The following SUZ12 variants were observed in gnomAD, a reference collection of about 807,000 sequenced individuals.
SUZ12 encodes SUZ12 polycomb repressive complex 2 subunit, also known as polycomb protein SUZ12.
Under a neutral mutation model 87.3 loss-of-function variants are expected in SUZ12, and 17 were observed. The ratio of observed to expected loss-of-function variants is 0.19; its 90% CI spans 0.13 to 0.29. The LOEUF is 0.29. Among genes scored for constraint, SUZ12 ranks in the 10% least tolerant of loss-of-function variants. SUZ12 has a pLI of 1.00. For synonymous variants in SUZ12, 253 were observed against 312.4 expected, an observed-to-expected ratio of 0.81 and a Z score of 2.01; for missense variants, 526 against 912.2, an observed-to-expected ratio of 0.58 and a Z score of 5.45.
At chr17:31,978,660 A>C (rs541282552) in intron 8 of SUZ12, among the ~76,000 whole-genome samples, 94 of 152,328 alleles carry the variant, frequency 6.2e-4, no homozygotes, top group African/African-American at 2.2e-3. Context: ...TAATTGTTCT[A>C]TTTTAGGCAG....
At chr17:31,978,750 T>C (rs1200958875) in intron 8 of SUZ12, among the ~76,000 whole-genome samples, 1 of 152,182 alleles carries the variant, frequency 6.6e-6, no homozygotes, top group Non-Finnish European at 1.5e-5. Flanking sequence ...AAAAAGATAA[T>C]GCTTTTATTT....
intron 8 of SUZ12, among the ~76,000 whole-genome samples, chr17:31,982,586 G>T (rs1423886383): frequency 1.3e-5 from 2 of 152,168 alleles, no homozygotes; most frequent in Admixed American, 1.3e-4. Flanking sequence ...TTGAACCTGG[G>T]CAGCAGAGAT....
intron 10 of SUZ12, among the ~76,000 whole-genome samples, chr17:31,990,148 G>GTTTTTTT (rs1567836883): frequency 1.6e-5 from 2 of 127,078 alleles, no homozygotes; most frequent in African/African-American, 6.2e-5. Context: ...TTTTTTTTTG[G>GTTTTTTT]ATTTTTAGTA....
intron 8 of SUZ12, among the ~76,000 whole-genome samples, chr17:31,978,496 C>T (rs112814763): frequency 0.046 from 7,056 of 152,072 alleles, 504 homozygotes; most frequent in African/African-American, 0.16. Flanking sequence ...GGTGAGCCAC[C>T]GTGCCCGGCC....
At chr17:31,998,246 A>T (rs979800034) in intron 15 of SUZ12, among the ~76,000 whole-genome samples, 1 of 151,766 alleles carries the variant, frequency 6.6e-6, no homozygotes, top group Non-Finnish European at 1.5e-5. Context: ...CACCCAGCTG[A>T]TTTTTTGCAT....
At chr17:31,972,452 G>A (rs1181259194) in intron 5 of SUZ12, among the ~76,000 whole-genome samples, 1 of 149,924 alleles carries the variant, frequency 6.7e-6, no homozygotes, top group Admixed American at 6.7e-5. Context: ...TCACTCCTTC[G>A]CCCAGACTAG....
chr17:31,943,750 G>A (rs1906446198), intron 3 of SUZ12, among the ~76,000 whole-genome samples: 1 of 152,012 alleles, frequency 6.6e-6, no homozygotes, highest in Admixed American at 6.6e-5. Context: ...GTCTAGGCTG[G>A]AGTGCCGTGG....
chr17:31,979,366 A>T (rs866454890), intron 8 of SUZ12, among the ~76,000 whole-genome samples: 15 of 152,208 alleles, frequency 9.9e-5, no homozygotes, highest in African/African-American at 2.7e-4. Flanking sequence ...TTATGAGGAA[A>T]ATTAAAATAC....
chr17:31,992,287 C>G (rs917552283), intron 10 of SUZ12, among the ~76,000 whole-genome samples: 1 of 152,048 alleles, frequency 6.6e-6, no homozygotes, highest in African/African-American at 2.4e-5. Context: ...GTGAATCTGT[C>G]TCAACAACAA....
intron 4 of SUZ12, among the ~76,000 whole-genome samples, chr17:31,951,882 C>T (rs1484175880): frequency 1.3e-5 from 2 of 150,714 alleles, no homozygotes; most frequent in Non-Finnish European, 1.5e-5. Flanking sequence ...TCAAGAGATT[C>T]TCCTGCCGCA....
chr17:31,948,293 T>C (rs1045537011), intron 4 of SUZ12, among the ~76,000 whole-genome samples: 2 of 152,218 alleles, frequency 1.3e-5, no homozygotes, highest in African/African-American at 4.8e-5. Context: ...CTGTCTACTC[T>C]AGATAGTATG....
At chr17:31,976,330 G>A (rs1908751239) in intron 7 of SUZ12, among the ~76,000 whole-genome samples, 191 bp from the exon 8 acceptor site, 1 of 152,196 alleles carries the variant, frequency 6.6e-6, no homozygotes, top group Non-Finnish European at 1.5e-5. Flanking sequence ...TGGGGTTAAT[G>A]TTGTGATTGT....
intron 10 of SUZ12, 150 bp downstream of exon 10, chr17:31,988,647 C>A: frequency 1.2e-6 from 1 of 805,862 alleles, no homozygotes; most frequent in South Asian, 2.2e-5. Context: ...GGCAGGAGTG[C>A]AGTAGCGTGA....
At chr17:31,937,587 G>A (rs1419745113) in intron 1 of SUZ12, 67 bp downstream of exon 1, 8 of 1,520,462 alleles carry the variant, frequency 5.3e-6, no homozygotes, top group Non-Finnish European at 7.0e-6. Context: ...GGGACACTCT[G>A]CTGGGCCCCC....
chr17:32,000,615 A>G lies in SUZ12; in HGVS notation c.*1612A>G, dbSNP rs1910206852. On this transcript the variant is annotated 3_prime_UTR_variant, in exon 16 of 16. Coordinates refer to ENST00000322652, the MANE Select transcript of SUZ12 (RefSeq NM_015355.4). ...CGTTTATCTCGGGCTTTAATTTGCT[A>G]AAGCTGTGCACATATGTAAAAAAAA... The G allele has an allele frequency of 4.3e-6, 1 of 232,158 alleles. No individual in the cohort carries two copies. The highest frequency in any genetic ancestry group is 2.2e-5 in the African/African-American group (1 of 45,002). The allele number at this position is 232,158 out of a possible 1,614,324, so 14.4% of individuals were successfully genotyped here.
chr17:31,957,318 C>G (rs550245163), intron 4 of SUZ12, among the ~76,000 whole-genome samples: 19 of 151,938 alleles, frequency 1.3e-4, no homozygotes, highest in Non-Finnish European at 2.6e-4. Context: ...CTGCTCACTA[C>G]AACCTCCACC....
At chr17:31,975,051 A>G (rs1384058188) in intron 6 of SUZ12, among the ~76,000 whole-genome samples, 2 of 152,316 alleles carry the variant, frequency 1.3e-5, no homozygotes, top group Middle Eastern at 3.4e-3. Context: ...TTTTATTTCT[A>G]ATGGTCCTAT....
At chr17:31,995,855 CT>C (rs369422951) in intron 14 of SUZ12, 93 bp downstream of exon 14, 8,355 of 785,554 alleles carry the variant, frequency 0.011, 16 homozygotes, top group African/African-American at 0.03. Flanking sequence ...TGTAAAGGAA[CT>C]TTTTTTAAAA....
chr17:31,955,871 T>TA (rs915352027), intron 4 of SUZ12, among the ~76,000 whole-genome samples: 2 of 152,006 alleles, frequency 1.3e-5, no homozygotes, highest in African/African-American at 4.8e-5. Flanking sequence ...TGTGAACCAT[T>TA]ACACCCAGCC....
Sources: gnomAD v4.1 joint callset for allele counts (sites outside exome capture counted in the v4.1 genomes callset) on GRCh38, gnomAD v4.1.1 for gene constraint, MANE v1.5 for transcripts, NCBI Gene and HGNC (gene_info 2026-07-23, HGNC 2026-07-21) for gene names.